Variants in RAP1GAP2 observed in about 807,000 individuals in gnomAD.
The protein encoded by RAP1GAP2 is RAP1 GTPase activating protein 2, also known as rap1 GTPase-activating protein 2.
A neutral mutation model predicts 95.0 loss-of-function variants in RAP1GAP2; 27 were observed. The observed-to-expected ratio is 0.28, with a 90% CI of 0.21 to 0.39. The LOEUF is 0.39. Among genes scored for constraint, RAP1GAP2 ranks in the 10% least tolerant of loss-of-function variants. The pLI is 1.00. For missense variants in RAP1GAP2, 771 were observed against 970.0 expected, an observed-to-expected ratio of 0.79 and a Z score of 2.72; for synonymous variants, 373 against 380.9, an observed-to-expected ratio of 0.98 and a Z score of 0.24.
intron 19 of RAP1GAP2, among the ~76,000 whole-genome samples, chr17:3,022,082 G>T (rs986944777): frequency 1.1e-4 from 17 of 152,162 alleles, no homozygotes; most frequent in Non-Finnish European, 7.3e-5. Flanking sequence ...GTCTGTAGTG[G>T]CTATGCTAAT....
intron 2 of RAP1GAP2, among the ~76,000 whole-genome samples, chr17:2,840,355 G>C (rs187426128): frequency 4.9e-4 from 75 of 151,800 alleles, no homozygotes; most frequent in African/African-American, 1.7e-3. Flanking sequence ...GTAGAGGTGG[G>C]TTTCACCACA....
chr17:3,006,118 ATCTTTT>A, intron 16 of RAP1GAP2, 77 bp downstream of exon 16: 1 of 720,064 alleles, frequency 1.4e-6, no homozygotes, highest in Non-Finnish European at 2.1e-6. Flanking sequence ...GGGCTCCTCC[ATCTTTT>A]TTTTTTTTTT....
chr17:2,832,296 T>G (rs12601318), intron 2 of RAP1GAP2, among the ~76,000 whole-genome samples: 8 of 149,740 alleles, frequency 5.3e-5, no homozygotes, highest in Non-Finnish European at 7.4e-5. Context: ...CGGTGGCTCA[T>G]GCCTGTAATC....
At chr17:2,974,256 G>T (rs1032505582) in intron 8 of RAP1GAP2, among the ~76,000 whole-genome samples, 1 of 151,930 alleles carries the variant, frequency 6.6e-6, no homozygotes, top group Non-Finnish European at 1.5e-5. Flanking sequence ...GGCTGAGGCA[G>T]GAGAATGGCG....
At chr17:2,812,011 G>A (rs527811783) in intron 2 of RAP1GAP2, among the ~76,000 whole-genome samples, 1 of 152,158 alleles carries the variant, frequency 6.6e-6, no homozygotes, top group Non-Finnish European at 1.5e-5. Context: ...CACTGCGCCT[G>A]GCCGGAAATC....
intron 22 of RAP1GAP2, 94 bp from the exon 23 acceptor site, chr17:3,030,828 G>A (rs1198705693): frequency 2.5e-6 from 3 of 1,219,320 alleles, no homozygotes; most frequent in South Asian, 2.6e-5. Flanking sequence ...AGGGCAGGAG[G>A]CCCCCTTCCC....
chr17:2,756,281 G>A (rs1230742824), intron 1 of RAP1GAP2, among the ~76,000 whole-genome samples: 1 of 152,246 alleles, frequency 6.6e-6, no homozygotes, highest in Non-Finnish European at 1.5e-5. Context: ...TGGGGACAGG[G>A]CGCAGAGAAG....
rs765108334 is a variant in RAP1GAP2, at chr17:2,902,418, C to T, written c.81-2866C>T. On this transcript the variant is annotated intron_variant, in intron 2 of 24. Transcript: ENST00000254695. This position sits in a 1 kb window ranked among gnomAD's most constrained non-coding sequence, Gnocchi z 4.1. ...TTTTAGTAGAGACGGGGTTTCGCCA[C>T]GTTGAACAGGCTGGTTTGGAACTCC... is the stretch of plus-strand genomic sequence containing the variant. Among the ~76,000 whole-genome samples, 3 of 152,078 alleles carry T rather than the reference C, an allele frequency of 2.0e-5. No individual in the cohort carries two copies. Among genetic ancestry groups the T allele is most frequent in the Non-Finnish European group, 4.4e-5 (3 of 68,008 alleles).
chr17:2,998,131 T>C, intron 13 of RAP1GAP2, 90 bp from the exon 14 acceptor site: 1 of 1,386,464 alleles, frequency 7.2e-7, no homozygotes, highest in Non-Finnish European at 1.0e-6. Context: ...AGTTTTCCTG[T>C]GTGCAAAGGA....
chr17:2,868,303 T>C (rs150360057), intron 2 of RAP1GAP2, among the ~76,000 whole-genome samples: 36 of 152,220 alleles, frequency 2.4e-4, no homozygotes, highest in Non-Finnish European at 4.0e-4. Context: ...TCAGAGGTCT[T>C]AGAGATAGGC....
At chr17:2,805,460 A>AT (rs1284247540) in intron 2 of RAP1GAP2, among the ~76,000 whole-genome samples, 3 of 152,006 alleles carry the variant, frequency 2.0e-5, no homozygotes, top group Non-Finnish European at 4.4e-5. Context: ...GGTTCAAGCG[A>AT]TTCTCCCACC....
At chr17:2,843,622 C>A (rs2071459341) in intron 2 of RAP1GAP2, among the ~76,000 whole-genome samples, 1 of 143,884 alleles carries the variant, frequency 7.0e-6, no homozygotes, top group Non-Finnish European at 1.5e-5. Context: ...TACATTGCAT[C>A]ATTAATAAAG....
Position 3,005,881 on chromosome 17 carries a change from C to A in RAP1GAP2, c.1273-74C>A. ...CTCCCCATGGCCCCGGCTCTGCCTG[C>A]CTGTCACTGTGGCTGAAGACCTTCT... On this transcript the variant is annotated intron_variant, in intron 15 of 24. Coordinates refer to ENST00000254695, the MANE Select transcript of RAP1GAP2 (RefSeq NM_015085.5). This position sits in a 1 kb window ranked among gnomAD's most constrained non-coding sequence, Gnocchi z 5.2. 2 of 1,395,922 alleles carry A rather than the reference C, an allele frequency of 1.4e-6. No homozygotes were observed. The highest frequency in any genetic ancestry group is 2.0e-6 in the Non-Finnish European group (2 of 981,394). 86.5% of individuals were successfully genotyped at this position (1,395,922 alleles called of 1,614,324 possible). A position where few individuals can be genotyped will look rare whatever the true frequency, so the allele number is the denominator to read the frequency against.
chr17:3,037,526 TGAC>T lies in RAP1GAP2; in HGVS notation c.*4172_*4174del, dbSNP rs1295082330. ...TGTGGCTTGGAAGTGATGCTCCATG[TGAC>T]GACGACTTTGCTTTCTTTCCTCTTA... is the stretch of plus-strand genomic sequence containing the variant. On this transcript the variant is annotated 3_prime_UTR_variant, in exon 25 of 25. Transcript: ENST00000254695. The T allele has an allele frequency of 6.6e-6, 1 of 152,418 alleles. No individual in the cohort carries two copies. Among genetic ancestry groups the T allele is most frequent in the Non-Finnish European group, 1.5e-5 (1 of 67,978 alleles). The allele number at this position is 152,418 out of a possible 1,614,324, so 9.4% of individuals were successfully genotyped here. A position where few individuals can be genotyped will look rare whatever the true frequency, so the allele number is the denominator to read the frequency against.
At chr17:2,780,952 G>C (rs2068631848) in intron 1 of RAP1GAP2, among the ~76,000 whole-genome samples, 1 of 152,150 alleles carries the variant, frequency 6.6e-6, no homozygotes, top group South Asian at 2.1e-4. Flanking sequence ...GGTGTGTTTT[G>C]TGTTTCTGAT....
chr17:2,812,014 C>T (rs976210656), intron 2 of RAP1GAP2, among the ~76,000 whole-genome samples: 8 of 152,172 alleles, frequency 5.3e-5, no homozygotes, highest in Non-Finnish European at 1.0e-4. Context: ...TGCGCCTGGC[C>T]GGAAATCTGG....
At chr17:2,810,594 G>A (rs1347234122) in intron 2 of RAP1GAP2, among the ~76,000 whole-genome samples, 2 of 126,540 alleles carry the variant, frequency 1.6e-5, no homozygotes, top group Non-Finnish European at 1.6e-5. Flanking sequence ...GCAATGGTAC[G>A]ATCTTGGCTC....
rs547064720 is a variant in RAP1GAP2, at chr17:2,895,701, C to T, written c.81-9583C>T. On this transcript the variant is annotated intron_variant, in intron 2 of 24. Transcript: ENST00000254695. ...AAGCAATTCTCCTGCCTCAGCCTCC[C>T]GAGTAGCTGGGATTACAGGCGCCTG... Among the ~76,000 whole-genome samples the T allele has an allele frequency of 8.5e-5, 13 of 152,094 alleles. No homozygotes were observed. In the South Asian group the frequency reaches 1.5e-3, roughly 17 times the overall value.
At chr17:2,931,342 T>G (rs9894198) in intron 3 of RAP1GAP2, among the ~76,000 whole-genome samples, 131,717 of 151,300 alleles carry the variant, frequency 0.87, 57,571 homozygotes, top group Non-Finnish European at 0.91. Flanking sequence ...AATGTTGTGG[T>G]TAGTTCTTTG....
Sources: gnomAD v4.1 joint callset for allele counts (sites outside exome capture counted in the v4.1 genomes callset) on GRCh38, gnomAD v4.1.1 for gene constraint, Gnocchi (gnomAD v3.1) non-coding constraint, MANE v1.5 for transcripts, NCBI Gene and HGNC (gene_info 2026-07-23, HGNC 2026-07-21) for gene names.